DNAH9: variants seen among roughly 807,000 people sequenced by gnomAD.
The protein encoded by DNAH9 is dynein axonemal heavy chain 9.
DNAH9 carries 345 observed loss-of-function variants against 471.6 expected under a neutral mutation model. That is an observed-to-expected ratio of 0.73 (90% CI 0.67 to 0.80). The LOEUF (loss-of-function observed/expected upper bound fraction) is 0.80. DNAH9 is among the 30% of genes least tolerant of loss of function. The pLI is 0.00. For synonymous variants in DNAH9, 2,093 were observed against 2,123.6 expected (o/e 0.99, Z 0.40); for missense variants, 5,407 against 5,609.2 (o/e 0.96, Z 1.15).
At chr17:11,806,414 A>G (rs1969685102) in intron 43 of DNAH9, among the ~76,000 whole-genome samples, 1 of 152,222 alleles carries the variant, frequency 6.6e-6, no homozygotes, top group Non-Finnish European at 1.5e-5. Flanking sequence ...ATACATATCC[A>G]AGAGCAGGCT....
chr17:11,619,070 T>C (rs1481977042), intron 5 of DNAH9, among the ~76,000 whole-genome samples: 1 of 152,248 alleles, frequency 6.6e-6, no homozygotes, highest in African/African-American at 2.4e-5. Context: ...ACTTGCAATG[T>C]GGCCTTAGAT....
intron 67 of DNAH9, among the ~76,000 whole-genome samples, chr17:11,943,351 C>T (rs1409897030): frequency 2.0e-5 from 3 of 152,102 alleles, no homozygotes; most frequent in South Asian, 2.1e-4. Context: ...AGTTTTTTCA[C>T]ATGGAGTCAC....
In DNAH9 at chr17:11,854,437, C is replaced by T. The variant is rs187494333; in HGVS notation, c.9933+9C>T. 2 of 1,604,054 alleles carry T rather than the reference C, an allele frequency of 1.2e-6. No individual in the cohort carries two copies. Among genetic ancestry groups the T allele is most frequent in the East Asian group, 2.2e-5 (1 of 44,736 alleles). On this transcript the variant is annotated intron_variant, in intron 50 of 68. Transcript: ENST00000262442. ...TCAAAGCCAAGATCGCTGTGAGTGACCCCAGAGCCCCTCACCCTGCTAGTC... is the reference window on the plus strand; with the variant it reads ...TCAAAGCCAAGATCGCTGTGAGTGATCCCAGAGCCCCTCACCCTGCTAGTC...
rs1348566457 is a variant in DNAH9, at chr17:11,962,183, A to C, written c.13160A>C (p.Glu4387Ala). ...GACATGACGAAGAAGAACAGAGAAGAGTTTAGGAGTCCTCCTCGGGAAGGG... is the reference window on the plus strand; with the variant it reads ...GACATGACGAAGAAGAACAGAGAAGCGTTTAGGAGTCCTCCTCGGGAAGGG... ...QCDMTKKNRE[E>A]FRSPPREGAY... is the part of the protein sequence containing the mutation. The change falls in exon 68 of 69, where the codon GAG (glutamate) becomes GCG (alanine). Residue 4387 changes from glutamate (E) to alanine (A), a missense_variant. Coordinates refer to ENST00000262442, the MANE Select transcript of DNAH9 (RefSeq NM_001372.4). This position sits in a 1 kb window ranked among gnomAD's most constrained non-coding sequence, Gnocchi z 4.1. 7 of 1,614,150 alleles carry C rather than the reference A, an allele frequency of 4.3e-6. No individual in the cohort carries two copies. The Admixed American group carries it at 5.0e-5, about 12-fold the overall frequency.
intron 26 of DNAH9, among the ~76,000 whole-genome samples, chr17:11,711,115 T>G (rs923598967): frequency 1.3e-5 from 2 of 152,182 alleles, no homozygotes; most frequent in African/African-American, 4.8e-5. Context: ...GTATAGCAGA[T>G]TCCTTGAGGG....
At chr17:11,890,435 A>G (rs566979277) in intron 57 of DNAH9, among the ~76,000 whole-genome samples, 57 of 152,234 alleles carry the variant, frequency 3.7e-4, no homozygotes, top group Non-Finnish European at 7.3e-4. Context: ...CCCTGGAACC[A>G]TGGAAGGGAG....
chr17:11,783,632 TCTGA>T lies in DNAH9; in HGVS notation c.7719-10_7719-7del, dbSNP rs1290409688. The T allele has an allele frequency of 6.2e-7, 1 of 1,608,022 alleles. No homozygotes were observed. Among genetic ancestry groups the T allele is most frequent in the Non-Finnish European group, 8.5e-7 (1 of 1,174,842 alleles). On this transcript the variant is annotated splice_polypyrimidine_tract_variant and intron_variant, in intron 39 of 68. Transcript: ENST00000262442. ...CCTCAGACACCTTTCACCTAGAGCTTCTGACTGTTCCAGGTATGATCGGAGCAAG... is the reference window on the plus strand; with the variant it reads ...CCTCAGACACCTTTCACCTAGAGCTTCTGTTCCAGGTATGATCGGAGCAAG...
chr17:11,633,257 T>C (rs961006435), intron 8 of DNAH9, among the ~76,000 whole-genome samples: 8 of 152,294 alleles, frequency 5.3e-5, no homozygotes, highest in Admixed American at 2.6e-4. Context: ...CAGTGGAGCA[T>C]GATATGTGTT....
chr17:11,632,486 T>C, intron 7 of DNAH9, 101 bp from the exon 8 acceptor site: 1 of 634,884 alleles, frequency 1.6e-6, no homozygotes, highest in East Asian at 2.5e-5. Context: ...AATAATTCTT[T>C]GGTATAACCA....
chr17:11,798,537 T>C (rs1413117508), intron 43 of DNAH9, among the ~76,000 whole-genome samples: 1 of 152,008 alleles, frequency 6.6e-6, no homozygotes, highest in Non-Finnish European at 1.5e-5. Flanking sequence ...TTTTAGTGTT[T>C]TTGCTATCTA....
chr17:11,677,893 A>T (rs2150738177), intron 17 of DNAH9, among the ~76,000 whole-genome samples: 1 of 152,088 alleles, frequency 6.6e-6, no homozygotes, highest in South Asian at 2.1e-4. Flanking sequence ...TCTCTTCACA[A>T]TGATTAAAAG....
At chr17:11,873,667 C>A (rs1972363862) in intron 52 of DNAH9, among the ~76,000 whole-genome samples, 1 of 151,668 alleles carries the variant, frequency 6.6e-6, no homozygotes, top group South Asian at 2.1e-4. Context: ...TTGTAGGATT[C>A]ATTTATAGTA....
chr17:11,640,892 T>C (rs554410669), intron 10 of DNAH9, among the ~76,000 whole-genome samples: 49 of 152,282 alleles, frequency 3.2e-4, no homozygotes, highest in Admixed American at 1.6e-3. Flanking sequence ...AAGCTCCTCC[T>C]GTGATTCTGA....
At position 11,932,092 on chromosome 17, in the gene DNAH9, G is replaced by A. The variant is rs767139689; in HGVS notation, c.12184G>A (p.Ala4062Thr). ...FALCYFHAVV[A>T]ERRKFGPQGW... ...TCTTTGTTACTTCCATGCGGTGGTGGCAGAAAGACGAAAATTTGGGCCCCA... is the reference window on the plus strand; with the variant it reads ...TCTTTGTTACTTCCATGCGGTGGTGACAGAAAGACGAAAATTTGGGCCCCA... Residue 4062 changes from alanine to threonine, a missense_variant, in exon 64 of 69, where the codon GCA becomes ACA. Coordinates refer to ENST00000262442, the MANE Select transcript of DNAH9 (RefSeq NM_001372.4). The surrounding 1 kb of genome is among the most constrained non-coding windows in gnomAD (Gnocchi z 4.3). 3.5e-5 allele frequency: 56 copies of A among 1,613,960 alleles called. 1 individual carries two copies. The South Asian group carries it at 5.4e-4, about 16-fold the overall frequency.
chr17:11,693,727 C>A (rs2074378023), intron 20 of DNAH9, 141 bp from the exon 21 acceptor site: 4 of 914,168 alleles, frequency 4.4e-6, no homozygotes, highest in Admixed American at 2.3e-5. Context: ...GCAGCTTAAA[C>A]TAAGGGTGTT....
At chr17:11,948,124 G>A (rs1975206622) in intron 67 of DNAH9, among the ~76,000 whole-genome samples, 1 of 151,718 alleles carries the variant, frequency 6.6e-6, no homozygotes. Context: ...CTATGCTTCA[G>A]TGGTTGATTG....
chr17:11,837,036 C>G (rs1970872412), intron 49 of DNAH9, among the ~76,000 whole-genome samples: 1 of 152,138 alleles, frequency 6.6e-6, no homozygotes, highest in African/African-American at 2.4e-5. Flanking sequence ...TGAAAAGTAG[C>G]TAACAGATGA....
At position 11,810,371 on chromosome 17, in the gene DNAH9, T is replaced by A. The variant is rs751447447; in HGVS notation, c.8707+2T>A. On this transcript the variant is annotated splice_donor_variant, in intron 45 of 68. Transcript: ENST00000262442. LOFTEE classifies it high-confidence loss of function. ...TCATCAATGATCTTTTGGCATCTGG[T>A]AAGAGATTCCTTGCACTTGGTGTCA... 6.2e-7 allele frequency: 1 copy of A among 1,610,388 alleles called. No homozygotes were observed. The highest frequency in any genetic ancestry group is 8.5e-7 in the Non-Finnish European group (1 of 1,178,804).
At chr17:11,625,364 C>T (rs1382569638) in intron 6 of DNAH9, among the ~76,000 whole-genome samples, 1 of 152,184 alleles carries the variant, frequency 6.6e-6, no homozygotes, top group African/African-American at 2.4e-5. Context: ...CTACCATCTC[C>T]AGCCACTCTG....
Sources: gnomAD v4.1 joint callset for allele counts (sites outside exome capture counted in the v4.1 genomes callset) on GRCh38, gnomAD v4.1.1 for gene constraint, Gnocchi (gnomAD v3.1) non-coding constraint, MANE v1.5 for transcripts, NCBI Gene and HGNC (gene_info 2026-07-23, HGNC 2026-07-21) for gene names.